Variants in SYDE2 observed in about 807,000 individuals in gnomAD.
SYDE2 encodes the protein synapse defective Rho GTPase homolog 2.
Under a neutral mutation model 91.5 loss-of-function variants are expected in SYDE2, and 76 were observed. That is an observed-to-expected ratio of 0.83 (90% confidence interval 0.69 to 1.01). The LOEUF (loss-of-function observed/expected upper bound fraction) is 1.01, where lower values mean the gene tolerates loss of function less well. SYDE2 is among the 50% of genes least tolerant of loss of function. The pLI, the probability that SYDE2 is intolerant of heterozygous loss-of-function variation, is 0.00. For synonymous variants in SYDE2, 513 were observed against 506.4 expected (o/e 1.01, Z -0.18); for missense variants, 1,364 against 1,367.7 (o/e 1.00, Z 0.04).
chr1:85,170,496 A>G (rs1282530529), intron 4 of SYDE2, among the ~76,000 whole-genome samples: 2 of 152,204 alleles, frequency 1.3e-5, no homozygotes, highest in African/African-American at 4.8e-5. Flanking sequence ...TTGAGAGTTG[A>G]GTATCCTTAG....
At chr1:85,189,351 C>A (rs932588504) in intron 2 of SYDE2, among the ~76,000 whole-genome samples, 3 of 152,306 alleles carry the variant, frequency 2.0e-5, no homozygotes, top group African/African-American at 4.8e-5. Context: ...ATAAAAAACA[C>A]AAACTAATGA....
In SYDE2 at chr1:85,190,781, A is replaced by G. The variant is rs530868485; in HGVS notation, c.746-29T>C. 43 of 1,531,336 alleles carry G rather than the reference A, an allele frequency of 2.8e-5. 1 individual carries two copies. The South Asian group carries it at 5.3e-4, about 19-fold the overall frequency. 94.9% of individuals were successfully genotyped at this position (1,531,336 alleles called of 1,614,324 possible). On this transcript the variant is annotated intron_variant, in intron 1 of 6. Transcript: ENST00000341460. ...TTGCAAAGATAGAATAGAAGGTAGA[A>G]TATAATGGCTGGTATATCAGAAAGA...
At chr1:85,174,926 T>C (rs1311327222) in intron 4 of SYDE2, among the ~76,000 whole-genome samples, 1 of 152,120 alleles carries the variant, frequency 6.6e-6, no homozygotes, top group African/African-American at 2.4e-5. Context: ...AAAAGATAAA[T>C]ATTAATGTTT....
chr1:85,200,346 T>C lies in SYDE2; in HGVS notation c.651A>G (p.Thr217=), dbSNP rs1157744116. The part of the protein sequence containing the change: ...GRARGTAPKV[T]GTQAASPNVG... ...CATTTGGGGAGGCTGCCTGCGTTCC[T>C]GTGACTTTGGGAGCCGTCCCACGGG... The change falls in exon 1 of 7, where the codon ACA becomes ACG. Residue 217 remains threonine, a synonymous_variant. Coordinates refer to ENST00000341460, the MANE Select transcript of SYDE2 (RefSeq NM_032184.2). The C allele has an allele frequency of 1.9e-6, 3 of 1,613,930 alleles. No individual in the cohort carries two copies. The highest frequency in any genetic ancestry group is 2.5e-6 in the Non-Finnish European group (3 of 1,179,912).
intron 4 of SYDE2, among the ~76,000 whole-genome samples, chr1:85,171,681 G>A (rs939766565): frequency 3.3e-5 from 5 of 151,988 alleles, no homozygotes; most frequent in Admixed American, 1.3e-4. Flanking sequence ...TAGACAATGG[G>A]GTTTTGTAAC....
chr1:85,155,563 G>A (rs939916162), downstream of SYDE2, among the ~76,000 whole-genome samples: 1 of 152,070 alleles, frequency 6.6e-6, no homozygotes, highest in Non-Finnish European at 1.5e-5. Context: ...ACCCAATTAC[G>A]TAGCAAATGA....
At chr1:85,196,762 T>A (rs1658601993) in intron 1 of SYDE2, among the ~76,000 whole-genome samples, 1 of 152,148 alleles carries the variant, frequency 6.6e-6, no homozygotes, top group Admixed American at 6.5e-5. Context: ...GAAAAATTCA[T>A]AAAGATTATG....
chr1:85,173,425 A>G (rs1418674400), intron 4 of SYDE2, among the ~76,000 whole-genome samples: 2 of 152,166 alleles, frequency 1.3e-5, no homozygotes, highest in Non-Finnish European at 2.9e-5. Flanking sequence ...GAACTGTGAG[A>G]AAATACATTT....
intron 3 of SYDE2, among the ~76,000 whole-genome samples, chr1:85,179,583 C>CA (rs958919905): frequency 6.6e-6 from 1 of 152,118 alleles, no homozygotes; most frequent in African/African-American, 2.4e-5. Flanking sequence ...GAAAAAAATT[C>CA]AAATTTCCTA....
chr1:85,192,260 T>A (rs1434593097), intron 1 of SYDE2, among the ~76,000 whole-genome samples: 1 of 151,862 alleles, frequency 6.6e-6, no homozygotes, highest in Non-Finnish European at 1.5e-5. Flanking sequence ...ATTTAAAAAT[T>A]AGCCAGGTGT....
downstream of SYDE2, among the ~76,000 whole-genome samples, chr1:85,154,735 TTG>T (rs1408864588): frequency 6.6e-6 from 1 of 151,956 alleles, no homozygotes; most frequent in Admixed American, 6.5e-5. Context: ...ACCATCTCTA[TTG>T]TTTCTATCCT....
intron 1 of SYDE2, among the ~76,000 whole-genome samples, chr1:85,197,458 G>A (rs1012870842): frequency 6.6e-6 from 1 of 152,038 alleles, no homozygotes; most frequent in Non-Finnish European, 1.5e-5. Flanking sequence ...ACAGAAAAAT[G>A]TGCTATAAAC....
At position 85,182,527 on chromosome 1, in the gene SYDE2, T is replaced by C. The variant is rs1657968543; in HGVS notation, c.2115A>G (p.Ala705=). The change falls in exon 3 of 7, where the codon GCA becomes GCG. Residue 705 remains alanine (A), a synonymous_variant. Coordinates refer to ENST00000341460, the MANE Select transcript of SYDE2 (RefSeq NM_032184.2). ...PRIDSKDVFC[A]IQVDSVNKAR... ...CTTTGTTTACTGAATCTACCTGAAT[T>C]GCACAAAAGACGTCTTTTGAATCTA... The C allele has an allele frequency of 1.2e-6, 2 of 1,613,800 alleles. No individual in the cohort carries two copies. The highest frequency in any genetic ancestry group is 3.3e-5 in the Admixed American group (2 of 59,982).
rs768901500 is a variant in SYDE2 at position 85,182,801 on chromosome 1, T to C, written c.1841A>G (p.Tyr614Cys). 29 of 1,613,814 alleles carry C rather than the reference T, an allele frequency of 1.8e-5. No individual in the cohort carries two copies. In the South Asian group the frequency reaches 2.7e-4, roughly 15 times the overall value. ...ACTAAGGTAACCACCTTTGCAGGAA[T>C]ACTTAGAACTCATAGAGTTTTTCTT... Reference protein sequence around the residue: ...YQKKNSMSSKYSCKGGYLSDG... With the variant: ...YQKKNSMSSKCSCKGGYLSDG... The change falls in exon 3 of 7, where the codon TAT (tyrosine) becomes TGT (cysteine). Residue 614 changes from tyrosine (Y) to cysteine (C), a missense_variant. Transcript: ENST00000341460.
chr1:85,187,760 T>G (rs1658205964), intron 2 of SYDE2, among the ~76,000 whole-genome samples: 1 of 150,914 alleles, frequency 6.6e-6, no homozygotes, highest in African/African-American at 2.4e-5. Flanking sequence ...GTAAACTATC[T>G]CAAGGACAAA....
rs1427783829 is a variant in SYDE2, at chr1:85,182,744, G to A, written c.1898C>T (p.Ala633Val). ...TTTGTTTTCAGATCCATGTTTGCTA[G>A]CTTTAGTTGTAAGTTCAGGTGAGTC... ...DGDSPELTTKASKHGSENKFG... is the reference protein window; with the variant it reads ...DGDSPELTTKVSKHGSENKFG... Residue 633 changes from alanine (A) to valine (V), a missense_variant, in exon 3 of 7, where the codon GCT becomes GTT. Transcript: ENST00000341460. The A allele has an allele frequency of 3.1e-6, 5 of 1,613,738 alleles. No homozygotes were observed. The Admixed American group carries it at 5.0e-5, about 16-fold the overall frequency.
rs11395584 is a variant in SYDE2, at chr1:85,199,776, C to CAA, written c.745+474_745+475dup. On this transcript the variant is annotated intron_variant, in intron 1 of 6. Transcript: ENST00000341460. ...CATGTGTGTGCGTGCCTGGGAGAGG[C>CAA]AAAAAAAAAAAGTTGTAATGAGTAA... Among the ~76,000 whole-genome samples, 152 of 136,258 alleles carry CAA rather than the reference C, an allele frequency of 1.1e-3. 2 individuals are homozygous for CAA. The highest frequency in any genetic ancestry group is 3.8e-3 in the African/African-American group (145 of 38,612). 89.4% of individuals were successfully genotyped at this position (136,258 alleles called of 152,430 possible).
chr1:85,163,029 TA>T (rs1657116624), intron 6 of SYDE2, among the ~76,000 whole-genome samples: 2 of 152,104 alleles, frequency 1.3e-5, no homozygotes, highest in Admixed American at 6.6e-5. Context: ...CTAATTCAGT[TA>T]AAACATGAAT....
downstream of SYDE2, among the ~76,000 whole-genome samples, chr1:85,155,468 G>A (rs1056689502): frequency 1.4e-4 from 21 of 151,550 alleles, 1 homozygote; most frequent in African/African-American, 3.4e-4. Context: ...ACAATACCCC[G>A]TCTCTATTGA....
Sources: gnomAD v4.1 joint callset for allele counts (sites outside exome capture counted in the v4.1 genomes callset) on GRCh38, gnomAD v4.1.1 for gene constraint, MANE v1.5 for transcripts, NCBI Gene and HGNC (gene_info 2026-07-23, HGNC 2026-07-21) for gene names.